Variants in ZNF407 observed in about 807,000 individuals in gnomAD.
ZNF407 encodes zinc finger protein 407.
A neutral mutation model predicts 131.2 loss-of-function variants in ZNF407; 17 were observed. The observed-to-expected ratio is 0.13, with a 90% confidence interval of 0.09 to 0.19. The LOEUF (loss-of-function observed/expected upper bound fraction) is 0.19. Ranked by LOEUF, ZNF407 falls within the 10% of genes least tolerant of loss-of-function variation. The pLI is 1.00. For missense variants in ZNF407, 2,681 were observed against 2,830.6 expected, an observed-to-expected ratio of 0.95 and a Z score of 1.20; for synonymous variants, 1,156 against 1,062.0, an observed-to-expected ratio of 1.09 and a Z score of -1.72.
At chr18:74,731,409 A>G (rs1396702274) in intron 3 of ZNF407, among the ~76,000 whole-genome samples, 1 of 152,170 alleles carries the variant, frequency 6.6e-6, no homozygotes, top group African/African-American at 2.4e-5. Flanking sequence ...AGGCAAGTTT[A>G]TCATATTTCA....
At chr18:75,026,948 C>T (rs1973178427) in intron 8 of ZNF407, among the ~76,000 whole-genome samples, 2 of 152,198 alleles carry the variant, frequency 1.3e-5, no homozygotes, top group African/African-American at 4.8e-5. Flanking sequence ...TAAACACTGT[C>T]ATCCTGCCCT....
chr18:74,749,351 A>G (rs1968745389), intron 3 of ZNF407, among the ~76,000 whole-genome samples: 1 of 152,096 alleles, frequency 6.6e-6, no homozygotes, highest in African/African-American at 2.4e-5. Context: ...CTTGCTGGAA[A>G]ACACTACTTC....
intron 8 of ZNF407, among the ~76,000 whole-genome samples, chr18:74,980,193 T>C (rs1197426208): frequency 4.0e-5 from 6 of 151,784 alleles, no homozygotes; most frequent in African/African-American, 1.5e-4. Flanking sequence ...TTGTAAACGA[T>C]GACATAAAAA....
intron 4 of ZNF407, among the ~76,000 whole-genome samples, chr18:74,789,668 G>A (rs991378006): frequency 2.6e-5 from 4 of 152,096 alleles, no homozygotes; most frequent in East Asian, 1.9e-4. Context: ...TGGTGGATTC[G>A]CAGTGTTTCT....
chr18:74,754,418 C>G (rs1968880914), intron 3 of ZNF407, among the ~76,000 whole-genome samples: 1 of 152,164 alleles, frequency 6.6e-6, no homozygotes, highest in Non-Finnish European at 1.5e-5. Context: ...TCTTGCTTCT[C>G]TAGTTCTTTT....
chr18:74,777,240 A>G (rs533483704), intron 3 of ZNF407, among the ~76,000 whole-genome samples: 1 of 152,132 alleles, frequency 6.6e-6, no homozygotes, highest in East Asian at 1.9e-4. Flanking sequence ...TTTAAACTGG[A>G]GTGTAGGCAT....
rs145982134 is a variant in ZNF407, at chr18:74,625,453, A to T, written c.-53-5514A>T. On this transcript the variant is annotated intron_variant, in intron 1 of 8. Transcript: ENST00000299687. ...GAAAGTGGAACTCCTGCTGGTGCCT[A>T]GTGAAAGGGACAGTCGTGCACTGCA... Among the ~76,000 whole-genome samples, 183 of 152,238 alleles carry T rather than the reference A, an allele frequency of 1.2e-3. 1 individual carries two copies. The highest frequency in any genetic ancestry group is 6.8e-3 in the Middle Eastern group (2 of 294).
intron 8 of ZNF407, among the ~76,000 whole-genome samples, chr18:74,925,287 G>T (rs1328078747): frequency 3.9e-5 from 6 of 152,090 alleles, no homozygotes; most frequent in Non-Finnish European, 8.8e-5. Context: ...TGGGGTTCTT[G>T]TATTCTTCTC....
chr18:74,759,441 C>G (rs941239695), intron 3 of ZNF407, among the ~76,000 whole-genome samples: 4 of 152,110 alleles, frequency 2.6e-5, no homozygotes, highest in Admixed American at 2.6e-4. Flanking sequence ...CTGCCCTCTT[C>G]TTACTATGTT....
intron 8 of ZNF407, among the ~76,000 whole-genome samples, chr18:75,046,634 G>A (rs1410368939): frequency 2.0e-5 from 3 of 152,108 alleles, no homozygotes; most frequent in African/African-American, 7.2e-5. Flanking sequence ...CATGGAGCCA[G>A]GTCCATGCGG....
At chr18:74,680,581 C>T (rs1382470613) in intron 3 of ZNF407, among the ~76,000 whole-genome samples, 2 of 152,034 alleles carry the variant, frequency 1.3e-5, no homozygotes, top group African/African-American at 4.8e-5. Context: ...AAATACAACT[C>T]CCGCCCCTCT....
intron 8 of ZNF407, among the ~76,000 whole-genome samples, chr18:75,025,774 C>T (rs1463216178): frequency 6.6e-6 from 1 of 152,172 alleles, no homozygotes; most frequent in Non-Finnish European, 1.5e-5. Flanking sequence ...CTTGATGTTT[C>T]TTCAGCTTTT....
intron 8 of ZNF407, among the ~76,000 whole-genome samples, chr18:75,057,907 AT>A (rs895668206): frequency 6.6e-6 from 1 of 151,986 alleles, no homozygotes; most frequent in African/African-American, 2.4e-5. Context: ...CCCTTGTTTT[AT>A]TTTTTTCATT....
intron 3 of ZNF407, among the ~76,000 whole-genome samples, chr18:74,756,485 T>G (rs1253217933): frequency 2.0e-5 from 3 of 152,204 alleles, no homozygotes; most frequent in Non-Finnish European, 4.4e-5. Context: ...GTCTTCTGCT[T>G]CTTGTAGTGA....
intron 3 of ZNF407, among the ~76,000 whole-genome samples, chr18:74,778,479 A>G (rs1050627919): frequency 5.9e-5 from 9 of 151,906 alleles, no homozygotes; most frequent in African/African-American, 1.2e-4. Context: ...AATATGATAC[A>G]TATTTTACTG....
intron 8 of ZNF407, among the ~76,000 whole-genome samples, chr18:74,995,458 C>T (rs1360235307): frequency 6.6e-6 from 1 of 152,178 alleles, no homozygotes; most frequent in Non-Finnish European, 1.5e-5. Flanking sequence ...CTAAAAAAAG[C>T]ATTAGGCTAT....
chr18:74,619,374 G>A (rs1033854925), intron 1 of ZNF407, among the ~76,000 whole-genome samples: 11 of 152,118 alleles, frequency 7.2e-5, no homozygotes, highest in Non-Finnish European at 1.5e-4. Context: ...TTTCAAAAGT[G>A]TTAAACATTT....
At chr18:74,970,426 C>G (rs958820364) in intron 8 of ZNF407, among the ~76,000 whole-genome samples, 4 of 152,168 alleles carry the variant, frequency 2.6e-5, no homozygotes, top group Non-Finnish European at 4.4e-5. Flanking sequence ...AAATCAAAAG[C>G]AAGCTAATTA....
chr18:74,989,110 T>C (rs1023201555), intron 8 of ZNF407, among the ~76,000 whole-genome samples: 4 of 152,218 alleles, frequency 2.6e-5, no homozygotes, highest in African/African-American at 4.8e-5. Flanking sequence ...AAACAAGTTA[T>C]GGTCAATGGA....
Sources: gnomAD v4.1 joint callset for allele counts (sites outside exome capture counted in the v4.1 genomes callset) on GRCh38, gnomAD v4.1.1 for gene constraint, MANE v1.5 for transcripts, NCBI Gene and HGNC (gene_info 2026-07-23, HGNC 2026-07-21) for gene names.